Variants in SLK observed in about 807,000 individuals in gnomAD.
SLK encodes STE20 like kinase.
SLK carries 67 observed loss-of-function variants against 147.7 expected under a neutral mutation model. That is an observed-to-expected ratio of 0.45 (90% CI 0.37 to 0.56). The LOEUF is 0.56. SLK is among the 20% of genes least tolerant of loss of function. The probability of loss-of-function intolerance (pLI) is 0.00; values close to 1 mark genes in which losing one functional copy is unlikely to be tolerated. For missense variants in SLK, 1,136 were observed against 1,438.8 expected, an observed-to-expected ratio of 0.79 and a Z score of 3.41; for synonymous variants, 441 against 475.0, an observed-to-expected ratio of 0.93 and a Z score of 0.93.
chr10:104,021,772 C>A, intron 18 of SLK, 39 bp downstream of exon 18: 3 of 1,121,430 alleles, frequency 2.7e-6, no homozygotes, highest in South Asian at 1.3e-5. Context: ...TATGTGTGTA[C>A]TCGTCCGTCT....
intron 11 of SLK, among the ~76,000 whole-genome samples, chr10:104,006,510 C>G (rs1024007508): frequency 6.6e-6 from 1 of 152,202 alleles, no homozygotes; most frequent in African/African-American, 2.4e-5. Context: ...CTCCACATCT[C>G]TATTTCCTGC....
At chr10:103,981,692 C>G (rs140990179) in intron 1 of SLK, among the ~76,000 whole-genome samples, 16 of 151,524 alleles carry the variant, frequency 1.1e-4, no homozygotes, top group South Asian at 4.2e-4. Context: ...GTCTCTATTC[C>G]ATTGGTTTAT....
intron 2 of SLK, among the ~76,000 whole-genome samples, chr10:103,992,081 A>C (rs952089236): frequency 2.0e-5 from 3 of 149,700 alleles, no homozygotes; most frequent in African/African-American, 7.3e-5. Flanking sequence ...AGTCAAGATA[A>C]GCACCTATCA....
At chr10:104,019,702 G>C in intron 15 of SLK, 32 bp from the exon 16 acceptor site, 1 of 1,531,234 alleles carries the variant, frequency 6.5e-7, no homozygotes, top group Non-Finnish European at 9.0e-7. Context: ...TATTGTTTCT[G>C]CGTCACTGGA....
intron 1 of SLK, among the ~76,000 whole-genome samples, chr10:103,970,545 G>A (rs77044302): frequency 0.033 from 5,068 of 152,132 alleles, 143 homozygotes; most frequent in South Asian, 0.11. Flanking sequence ...CTAAGGAGTA[G>A]GGTATGAGTT....
intron 18 of SLK, among the ~76,000 whole-genome samples, chr10:104,024,738 A>G (rs1844576208): frequency 6.6e-6 from 1 of 152,132 alleles, no homozygotes; most frequent in African/African-American, 2.4e-5. Flanking sequence ...AGTCATTGAT[A>G]CCTGTAACAA....
chr10:103,971,466 G>C (rs1013212461), intron 1 of SLK, among the ~76,000 whole-genome samples: 1 of 152,162 alleles, frequency 6.6e-6, no homozygotes, highest in African/African-American at 2.4e-5. Context: ...AGTAGAGACG[G>C]GGTTTCACCA....
chr10:104,019,693 A>G (rs755669903), intron 15 of SLK, 41 bp from the exon 16 acceptor site: 14 of 1,464,342 alleles, frequency 9.6e-6, no homozygotes, highest in Admixed American at 3.4e-5. Flanking sequence ...GGTACTGACT[A>G]TTGTTTCTGC....
In SLK at chr10:103,967,818, A is replaced by G; in HGVS notation, c.73A>G (p.Lys25Glu). 1 of 1,614,190 alleles carries G rather than the reference A, an allele frequency of 6.2e-7. No individual in the cohort carries two copies. Among genetic ancestry groups the G allele is most frequent in the Non-Finnish European group, 8.5e-7 (1 of 1,180,008 alleles). ...EKKKKQYEHV[K>E]RDLNPEDFWE... ...GAAGAAGAAGCAGTACGAACACGTG[A>G]AGAGGGACCTGAACCCCGAAGACTT... Residue 25 changes from lysine (K) to glutamate (E), a missense_variant, in exon 1 of 19, where the codon AAG (lysine) becomes GAG (glutamate). Physicochemically the swap from Lys to Glu is moderately conservative, Grantham distance 56. Transcript: ENST00000369755.
intron 1 of SLK, among the ~76,000 whole-genome samples, chr10:103,986,562 C>T (rs1844015814): frequency 6.6e-6 from 1 of 152,114 alleles, no homozygotes; most frequent in Admixed American, 6.5e-5. Context: ...TGCTCATCTC[C>T]TGCTATGCGG....
chr10:104,018,146 A>G lies in SLK; in HGVS notation c.2878-14A>G, dbSNP rs1564663602. On this transcript the variant is annotated splice_polypyrimidine_tract_variant and intron_variant, in intron 13 of 18. Coordinates refer to ENST00000369755, the MANE Select transcript of SLK (RefSeq NM_014720.4). ...TTAGATACTTATTAACTGACAATTA[A>G]CTGTTTTTAATAGGAACAAGAGTTT... 1 of 1,585,320 alleles carries G rather than the reference A, an allele frequency of 6.3e-7. No homozygotes were observed. The highest frequency in any genetic ancestry group is 1.4e-5 in the African/African-American group (1 of 73,364).
intron 16 of SLK, among the ~76,000 whole-genome samples, chr10:104,020,198 C>A (rs186181436): frequency 6.6e-6 from 1 of 152,186 alleles, no homozygotes; most frequent in Non-Finnish European, 1.5e-5. Flanking sequence ...TGAGATGACT[C>A]GGACAACTTT....
At chr10:103,981,668 T>G (rs966959743) in intron 1 of SLK, among the ~76,000 whole-genome samples, 41 of 88,268 alleles carry the variant, frequency 4.6e-4, no homozygotes, top group Admixed American at 4.4e-3. Flanking sequence ...TATATGCCAG[T>G]TTTTTTTTTT....
chr10:104,010,948 C>A, intron 13 of SLK, 40 bp downstream of exon 13: 1 of 1,303,444 alleles, frequency 7.7e-7, no homozygotes, highest in Non-Finnish European at 1.1e-6. Flanking sequence ...CCAGAAAGCA[C>A]CATTTTCTCA....
chr10:104,000,074 T>G (rs898649265), intron 7 of SLK, 126 bp downstream of exon 7: 6 of 464,776 alleles, frequency 1.3e-5, no homozygotes, highest in Admixed American at 4.0e-5. Flanking sequence ...GTAGTTAACA[T>G]TTGCTTTACA....
intron 1 of SLK, among the ~76,000 whole-genome samples, chr10:103,968,978 T>G (rs763974413): frequency 2.6e-5 from 4 of 152,152 alleles, no homozygotes; most frequent in Non-Finnish European, 5.9e-5. Context: ...CTACTTTCTT[T>G]TTTTTTTGAG....
intron 1 of SLK, among the ~76,000 whole-genome samples, chr10:103,989,817 C>A (rs1204118787): frequency 6.6e-6 from 1 of 152,108 alleles, no homozygotes; most frequent in East Asian, 1.9e-4. Context: ...ACGATATGAT[C>A]CAGCAGTTGT....
At chr10:104,009,330 G>C (rs1422400415) in intron 12 of SLK, among the ~76,000 whole-genome samples, 1 of 152,040 alleles carries the variant, frequency 6.6e-6, no homozygotes, top group East Asian at 1.9e-4. Context: ...CAAATACCCA[G>C]ATTCATTGAC....
intron 1 of SLK, among the ~76,000 whole-genome samples, chr10:103,972,671 C>CAAAA (rs140628724): frequency 6.9e-6 from 1 of 144,538 alleles, no homozygotes; most frequent in South Asian, 2.2e-4. Context: ...GACTCCGTCT[C>CAAAA]AAAAAAAAAA....
Sources: allele counts gnomAD v4.1 joint callset (sites outside exome capture counted in the v4.1 genomes callset), GRCh38; gene constraint gnomAD v4.1.1; transcripts MANE v1.5; gene names NCBI Gene and HGNC (gene_info 2026-07-23, HGNC 2026-07-21).